Variants in ANO3 observed in about 807,000 individuals in gnomAD.
ANO3 encodes anoctamin 3, also known as anoctamin-3.
ANO3 carries 99 observed loss-of-function variants against 144.8 expected under a neutral mutation model. The observed-to-expected ratio is 0.68, with a 90% CI of 0.58 to 0.81. ANO3 has a LOEUF of 0.81. Among genes scored for constraint, ANO3 ranks in the 30% least tolerant of loss-of-function variants. ANO3 has a pLI of 0.00. For synonymous variants in ANO3, 414 were observed against 392.6 expected, an observed-to-expected ratio of 1.05 and a Z score of -0.64; for missense variants, 905 against 1,202.2, an observed-to-expected ratio of 0.75 and a Z score of 3.66.
chr11:26,502,603 C>T (rs951994914), intron 4 of ANO3, among the ~76,000 whole-genome samples: 1 of 152,032 alleles, frequency 6.6e-6, no homozygotes, highest in Non-Finnish European at 1.5e-5. Context: ...GATTATATAA[C>T]CTTCCGTGTC....
Position 26,451,352 on chromosome 11 carries a change from G to A in ANO3, c.313+7516G>A, listed in dbSNP as rs879641124. 4.6e-5 allele frequency among the ~76,000 whole-genome samples: 7 copies of A among 152,268 alleles called. No homozygotes were observed. The East Asian group carries it at 5.8e-4, about 13-fold the overall frequency. On this transcript the variant is annotated intron_variant, in intron 3 of 26. Transcript: ENST00000256737. ...CTAGTCAAAGAAAGGGGTGATGGGCGGCACCTGGAAAATCGGGTCACTCCC... is the reference window on the plus strand; with the variant it reads ...CTAGTCAAAGAAAGGGGTGATGGGCAGCACCTGGAAAATCGGGTCACTCCC...
At chr11:26,208,544 A>T (rs1851865972) in intron 1 of ANO3, among the ~76,000 whole-genome samples, 1 of 151,688 alleles carries the variant, frequency 6.6e-6, no homozygotes, top group African/African-American at 2.4e-5. Flanking sequence ...GCAGGTGGAC[A>T]CAAACATTCA....
At chr11:26,637,865 T>C (rs760457648) in intron 20 of ANO3, among the ~76,000 whole-genome samples, 1 of 152,188 alleles carries the variant, frequency 6.6e-6, no homozygotes, top group Non-Finnish European at 1.5e-5. Flanking sequence ...ACTGTCTTCC[T>C]TATGAGCAGG....
chr11:26,553,244 TCA>T lies in ANO3; in HGVS notation c.1290-4_1290-3del. On this transcript the variant is annotated splice_polypyrimidine_tract_variant and splice_region_variant and intron_variant, in intron 12 of 26. Coordinates refer to ENST00000256737, the MANE Select transcript of ANO3 (RefSeq NM_031418.4). ...GTTTTGTTTTTGTTTTTGTTTTTTC[TCA>T]AGCCAAGAAATTTGTAAAGCCACTG... The T allele has an allele frequency of 1.4e-6, 2 of 1,436,598 alleles. No homozygotes were observed. The highest frequency in any genetic ancestry group is 1.9e-6 in the Non-Finnish European group (2 of 1,030,682). 89.0% of individuals were successfully genotyped at this position (1,436,598 alleles called of 1,614,324 possible).
Position 26,453,803 on chromosome 11 carries a change from A to G in ANO3, c.314-9227A>G, listed in dbSNP as rs192988931. On this transcript the variant is annotated intron_variant, in intron 3 of 26. Coordinates refer to ENST00000256737, the MANE Select transcript of ANO3 (RefSeq NM_031418.4). ...TTTTTTTCAGCACCACACCACACCTATTCCAAAATTGACCACATGGTTGGA... is the reference window on the plus strand; with the variant it reads ...TTTTTTTCAGCACCACACCACACCTGTTCCAAAATTGACCACATGGTTGGA... Among the ~76,000 whole-genome samples, 486 of 152,302 alleles carry G rather than the reference A, an allele frequency of 3.2e-3. 4 individuals carry two copies. The highest frequency in any genetic ancestry group is 0.011 in the African/African-American group (458 of 41,544).
chr11:26,294,538 G>A (rs1286870844), intron 1 of ANO3, among the ~76,000 whole-genome samples: 1 of 151,958 alleles, frequency 6.6e-6, no homozygotes, highest in Non-Finnish European at 1.5e-5. Context: ...TATTATTATT[G>A]TAATTATCAT....
At chr11:26,231,933 T>C (rs550043105) in intron 1 of ANO3, among the ~76,000 whole-genome samples, 1 of 152,326 alleles carries the variant, frequency 6.6e-6, no homozygotes, top group South Asian at 2.1e-4. Flanking sequence ...TGCAGCTGGT[T>C]TTTCATAAAA....
At chr11:26,608,007 A>G (rs1012000103) in intron 17 of ANO3, among the ~76,000 whole-genome samples, 37 of 152,292 alleles carry the variant, frequency 2.4e-4, no homozygotes, top group South Asian at 6.2e-4. Flanking sequence ...TGGAGGAGAA[A>G]AGGTATTCTG....
chr11:26,379,021 A>G (rs1176084636), intron 1 of ANO3, among the ~76,000 whole-genome samples: 1 of 136,682 alleles, frequency 7.3e-6, no homozygotes, highest in Non-Finnish European at 1.6e-5. Context: ...AGAAGGAAAC[A>G]GTATAGCATT....
At chr11:26,588,788 C>CT (rs1310662740) in intron 14 of ANO3, among the ~76,000 whole-genome samples, 5 of 152,060 alleles carry the variant, frequency 3.3e-5, no homozygotes, top group African/African-American at 1.2e-4. Context: ...AATATTGTAC[C>CT]TTTTTTTCAG....
chr11:26,544,271 TATAC>T lies in ANO3; in HGVS notation c.1154+2205_1154+2208del, dbSNP rs1206837528. On this transcript the variant is annotated intron_variant, in intron 11 of 26. Coordinates refer to ENST00000256737, the MANE Select transcript of ANO3 (RefSeq NM_031418.4). ...TTATACATATATATATATATATATA[TATAC>T]ACACATACACACACACACACACATA... is the stretch of plus-strand genomic sequence containing the variant. Among the ~76,000 whole-genome samples the T allele has an allele frequency of 2.0e-4, 15 of 74,708 alleles. 1 individual carries two copies. In the East Asian group the frequency reaches 0.013, roughly 65 times the overall value. The allele number at this position is 74,708 out of a possible 152,430, so 49.0% of individuals were successfully genotyped here.
At position 26,542,154 on chromosome 11, in the gene ANO3, A is replaced by G. The variant is rs929541521; in HGVS notation, c.1154+86A>G. ...CTTGGAATTATTTATTGTGCTCACC[A>G]GTGAGGATGCAGTCTACAAAAAAGC... On this transcript the variant is annotated intron_variant, in intron 11 of 26. Coordinates refer to ENST00000256737, the MANE Select transcript of ANO3 (RefSeq NM_031418.4). 1.0e-5 allele frequency: 15 copies of G among 1,441,738 alleles called. No homozygotes were observed. The African/African-American group carries it at 2.2e-4, about 21-fold the overall frequency. The allele number at this position is 1,441,738 out of a possible 1,614,324, so 89.3% of individuals were successfully genotyped here.
chr11:26,231,117 T>C (rs986463927), intron 1 of ANO3, among the ~76,000 whole-genome samples: 1 of 152,064 alleles, frequency 6.6e-6, no homozygotes, highest in Admixed American at 6.6e-5. Context: ...TACTTCATGA[T>C]CCACCCGCCT....
intron 4 of ANO3, among the ~76,000 whole-genome samples, chr11:26,471,829 T>C (rs1270783498): frequency 6.6e-6 from 1 of 151,876 alleles, no homozygotes; most frequent in Non-Finnish European, 1.5e-5. Flanking sequence ...AAACAAAAAA[T>C]AAGTCAAAGG....
In ANO3 at chr11:26,429,651, A is replaced by T. The variant is rs1858022962; in HGVS notation, c.47-12267A>T. ...GTAAAACCCACTCTGTGCTGTATAC[A>T]GGAGTCATACATAAAAAAGTGAATT... On this transcript the variant is annotated intron_variant, in intron 1 of 26. Transcript: ENST00000256737. 1.3e-5 allele frequency among the ~76,000 whole-genome samples: 2 copies of T among 152,216 alleles called. 1 individual carries two copies. Among genetic ancestry groups the T allele is most frequent in the South Asian group, 4.1e-4 (2 of 4,836 alleles).
chr11:26,201,810 C>G (rs1851699094), intron 1 of ANO3, among the ~76,000 whole-genome samples: 1 of 147,650 alleles, frequency 6.8e-6, no homozygotes, highest in South Asian at 2.1e-4. Context: ...AGCACTGACT[C>G]TTTCTTGGTC....
At chr11:26,637,948 A>C (rs971257417) in intron 20 of ANO3, among the ~76,000 whole-genome samples, 1 of 152,192 alleles carries the variant, frequency 6.6e-6, no homozygotes, top group Non-Finnish European at 1.5e-5. Context: ...AAAGTTTTCA[A>C]GTAAAACACA....
At chr11:26,236,759 A>T (rs1186689549) in intron 1 of ANO3, among the ~76,000 whole-genome samples, 1 of 146,964 alleles carries the variant, frequency 6.8e-6, no homozygotes, top group African/African-American at 2.5e-5. Context: ...CAGAGCTTGC[A>T]GTGAGCCCAG....
At chr11:26,580,407 T>C (rs1003315795) in intron 14 of ANO3, among the ~76,000 whole-genome samples, 1 of 152,196 alleles carries the variant, frequency 6.6e-6, no homozygotes, top group Non-Finnish European at 1.5e-5. Flanking sequence ...TGTTGTGAAT[T>C]TGGCAAAATC....
Sources: allele counts gnomAD v4.1 joint callset (sites outside exome capture counted in the v4.1 genomes callset), GRCh38; gene constraint gnomAD v4.1.1; transcripts MANE v1.5; gene names NCBI Gene and HGNC (gene_info 2026-07-23, HGNC 2026-07-21).